Variants in FLOT1 observed in about 807,000 individuals in gnomAD.
FLOT1 encodes the protein flotillin-1.
A neutral mutation model predicts 58.4 loss-of-function variants in FLOT1; 40 were observed. That is an observed-to-expected ratio of 0.69 (90% CI 0.53 to 0.89). The LOEUF (loss-of-function observed/expected upper bound fraction) is 0.89, where lower values mean the gene tolerates loss of function less well. FLOT1 is among the 40% of genes least tolerant of loss of function. The pLI is 0.00. For missense variants in FLOT1, 423 were observed against 540.8 expected (o/e 0.78, Z 2.16); for synonymous variants, 178 against 204.2 (o/e 0.87, Z 1.09).
At position 30,741,742 on chromosome 6, in the gene FLOT1, G is replaced by T; in HGVS notation, c.120-38C>A. On this transcript the variant is annotated intron_variant, in intron 3 of 12. Transcript: ENST00000376389. The surrounding 1 kb of genome is among the most constrained non-coding windows in gnomAD (Gnocchi z 5.9). ...GAAGGGACAGACAGTAAGAAGAGGA[G>T]GAAAAAGAGAAAACGGAGGTCCCCC... The T allele has an allele frequency of 6.2e-7, 1 of 1,609,992 alleles. No individual in the cohort carries two copies. Among genetic ancestry groups the T allele is most frequent in the South Asian group, 1.1e-5 (1 of 91,022 alleles).
At position 30,737,971 on chromosome 6, in the gene FLOT1, A is replaced by G. The variant is rs565595659; in HGVS notation, c.723+2187T>C. Among the ~76,000 whole-genome samples, 33 of 152,344 alleles carry G rather than the reference A, an allele frequency of 2.2e-4. 1 individual carries two copies. The South Asian group carries it at 6.0e-3, about 28-fold the overall frequency. On this transcript the variant is annotated intron_variant, in intron 8 of 12. Transcript: ENST00000376389. This position sits in a 1 kb window ranked among gnomAD's most constrained non-coding sequence, Gnocchi z 4.4. ...ACACCTAGCACACTGCCTGGTGCAT[A>G]ACGAGAAACTGATAAAAGTTGAAAA... is the stretch of plus-strand genomic sequence containing the variant.
At position 30,742,282 on chromosome 6, in the gene FLOT1, C is replaced by G. The variant is rs373397158; in HGVS notation, c.-14-79G>C. On this transcript the variant is annotated intron_variant, in intron 1 of 12. Transcript: ENST00000376389. The surrounding 1 kb of genome is among the most constrained non-coding windows in gnomAD (Gnocchi z 5.2). The stretch of plus-strand genomic sequence containing the variant: ...CCACAGGGGCCCATCCTTTCCCTTT[C>G]CCGTCAGGCCCTCCCAGTCTGCATC... 199 of 1,223,858 alleles carry G rather than the reference C, an allele frequency of 1.6e-4. 5 individuals carry two copies. The highest frequency in any genetic ancestry group is 7.9e-4 in the East Asian group (34 of 43,066). The allele number at this position is 1,223,858 out of a possible 1,614,324, so 75.8% of individuals were successfully genotyped here.
At position 30,742,393 on chromosome 6, in the gene FLOT1, G is replaced by T. The variant is rs1778071302; in HGVS notation, c.-15+134C>A. On this transcript the variant is annotated intron_variant, in intron 1 of 12. Coordinates refer to ENST00000376389, the MANE Select transcript of FLOT1 (RefSeq NM_005803.4). The surrounding 1 kb of genome is among the most constrained non-coding windows in gnomAD (Gnocchi z 5.2). The stretch of plus-strand genomic sequence containing the variant: ...TAAGATCCCCAGCTACCTCTTCTCC[G>T]CCTGCGTATGGTCCCTCCCTTCCCC... 1 of 615,636 alleles carries T rather than the reference G, an allele frequency of 1.6e-6. No homozygotes were observed. The highest frequency in any genetic ancestry group is 2.8e-5 in the East Asian group (1 of 35,670). The allele number at this position is 615,636 out of a possible 1,614,324, so 38.1% of individuals were successfully genotyped here.
chr6:30,728,809 T>C (rs1216575809), intron 12 of FLOT1, among the ~76,000 whole-genome samples: 1 of 149,836 alleles, frequency 6.7e-6, no homozygotes, highest in East Asian at 2.0e-4. Flanking sequence ...TGAGACAGAG[T>C]CTTGCTCTGT....
chr6:30,740,275 CTGAGCAGACACCTTTTCCTGCT>C lies in FLOT1; in HGVS notation c.584_605del (p.Lys195SerfsTer3). Reference sequence around the variant, plus strand: ...TGGCCATCTCGATCTCACTCAGGTACTGAGCAGACACCTTTTCCTGCTTGGCTTTAGCTTCCTGTCCAAGCAG... The same window carrying C: ...TGGCCATCTCGATCTCACTCAGGTACTGGCTTTAGCTTCCTGTCCAAGCAG... On this transcript the variant is annotated frameshift_variant, in exon 8 of 13. Coordinates refer to ENST00000376389, the MANE Select transcript of FLOT1 (RefSeq NM_005803.4). LOFTEE classifies it high-confidence loss of function. 6.2e-7 allele frequency: 1 copy of C among 1,613,054 alleles called. No homozygotes were observed.
chr6:30,733,850 A>G (rs962429336), intron 8 of FLOT1, among the ~76,000 whole-genome samples: 1 of 151,844 alleles, frequency 6.6e-6, no homozygotes, highest in African/African-American at 2.4e-5. Context: ...CAGGAGTTCA[A>G]GACCAGCCTG....
rs1240772682 is a variant in FLOT1, at chr6:30,737,294, C to T, written c.723+2864G>A. ...CATATATCTATCTTAGAAGGAGTCTCGCTCTGTCGCCCAGGCTGGAGTGCG... is the reference window on the plus strand; with the variant it reads ...CATATATCTATCTTAGAAGGAGTCTTGCTCTGTCGCCCAGGCTGGAGTGCG... On this transcript the variant is annotated intron_variant, in intron 8 of 12. Coordinates refer to ENST00000376389, the MANE Select transcript of FLOT1 (RefSeq NM_005803.4). The surrounding 1 kb of genome is among the most constrained non-coding windows in gnomAD (Gnocchi z 4.4). Among the ~76,000 whole-genome samples the T allele has an allele frequency of 4.7e-5, 7 of 149,240 alleles. No individual in the cohort carries two copies. In the East Asian group the frequency reaches 7.8e-4, roughly 17 times the overall value.
Position 30,741,668 on chromosome 6 carries a change from A to C in FLOT1, c.156T>G (p.Ser52Arg). 1.2e-6 allele frequency: 2 copies of C among 1,612,844 alleles called. No individual in the cohort carries two copies. Among genetic ancestry groups the C allele is most frequent in the Non-Finnish European group, 1.7e-6 (2 of 1,179,962 alleles). The change falls in exon 4 of 13, where the codon AGT becomes AGG. Residue 52 changes from serine to arginine, a missense_variant. Coordinates refer to ENST00000376389, the MANE Select transcript of FLOT1 (RefSeq NM_005803.4). This position sits in a 1 kb window ranked among gnomAD's most constrained non-coding sequence, Gnocchi z 5.9. Reference protein sequence around the residue: ...SLNTLTLNVKSEKVYTRHGVP... With the variant: ...SLNTLTLNVKREKVYTRHGVP... ...CCCCATGGCGAGTGTAAACCTTTTC[A>C]CTCTTGACATTGAGGGTCAGTGTGT...
intron 8 of FLOT1, among the ~76,000 whole-genome samples, chr6:30,738,659 C>T (rs1372435091): frequency 6.6e-6 from 1 of 152,174 alleles, no homozygotes; most frequent in African/African-American, 2.4e-5. Context: ...TAACACTGAA[C>T]TCACAGCTAA....
intron 8 of FLOT1, among the ~76,000 whole-genome samples, chr6:30,732,705 A>G (rs543720548): frequency 1.2e-4 from 18 of 152,170 alleles, no homozygotes; most frequent in Middle Eastern, 3.4e-3. Flanking sequence ...CACCATCATC[A>G]TTGTAGGTCT....
At chr6:30,732,645 C>T (rs1371884974) in intron 8 of FLOT1, among the ~76,000 whole-genome samples, 1 of 152,162 alleles carries the variant, frequency 6.6e-6, no homozygotes, top group Non-Finnish European at 1.5e-5. Flanking sequence ...TGCCATCACA[C>T]CCAGCCAGAA....
chr6:30,731,390 CAGG>C (rs1443009056), intron 8 of FLOT1, among the ~76,000 whole-genome samples: 1 of 148,332 alleles, frequency 6.7e-6, no homozygotes, highest in African/African-American at 2.5e-5. Context: ...GAGGCTGAGG[CAGG>C]AGAATTGCTT....
intron 5 of FLOT1, 179 bp from the exon 6 acceptor site, chr6:30,740,977 G>A (rs1581720518): frequency 9.0e-7 from 1 of 1,114,462 alleles, no homozygotes; most frequent in Non-Finnish European, 1.2e-6. Flanking sequence ...AGTAGAGAAG[G>A]GGTTTCACCA....
intron 8 of FLOT1, among the ~76,000 whole-genome samples, chr6:30,739,626 C>T (rs1329918272): frequency 6.6e-6 from 1 of 151,926 alleles, no homozygotes; most frequent in Non-Finnish European, 1.5e-5. Context: ...CCTTGGCCTA[C>T]CAAAGTGCTG....
At position 30,740,194 on chromosome 6, in the gene FLOT1, G is replaced by C. The variant is rs377655195; in HGVS notation, c.687C>G (p.Thr229=). ...KKAAYDIEVN[T]RRAQADLAYQ... is the part of the protein sequence containing the mutation. Reference sequence around the variant, plus strand: ...AGGCCAGGTCAGCCTGTGCTCGGCGGGTGTTGACCTCGATGTCATAGGCGG... The same window carrying C: ...AGGCCAGGTCAGCCTGTGCTCGGCGCGTGTTGACCTCGATGTCATAGGCGG... Residue 229 remains threonine, a synonymous_variant, in exon 8 of 13, where the codon ACC becomes ACG. Coordinates refer to ENST00000376389, the MANE Select transcript of FLOT1 (RefSeq NM_005803.4). 6 of 1,612,892 alleles carry C rather than the reference G, an allele frequency of 3.7e-6. No individual in the cohort carries two copies. The highest frequency in any genetic ancestry group is 5.1e-6 in the Non-Finnish European group (6 of 1,180,034).
At chr6:30,734,109 A>ATC (rs369203367) in intron 8 of FLOT1, among the ~76,000 whole-genome samples, 84 of 144,070 alleles carry the variant, frequency 5.8e-4, no homozygotes, top group African/African-American at 1.9e-3. Flanking sequence ...CCTCTTTGAG[A>ATC]TCTCTCTCTC....
Position 30,730,627 on chromosome 6 carries a change from A to C in FLOT1, c.951+55T>G. 3.1e-6 allele frequency: 5 copies of C among 1,613,884 alleles called. 1 individual carries two copies. Among genetic ancestry groups the C allele is most frequent in the South Asian group, 2.2e-5 (2 of 91,080 alleles). On this transcript the variant is annotated intron_variant, in intron 10 of 12. Transcript: ENST00000376389. ...CATTAAGAACAAGAAATCCCCGATC[A>C]AGCAGCAACCCCCACCCTCTCCACA...
chr6:30,730,609 A>C lies in FLOT1; in HGVS notation c.952-44T>G, dbSNP rs759011444. Reference sequence around the variant, plus strand: ...TGTGAGATTGACGGAAATCATTAAGAACAAGAAATCCCCGATCAAGCAGCA... The same window carrying C: ...TGTGAGATTGACGGAAATCATTAAGCACAAGAAATCCCCGATCAAGCAGCA... On this transcript the variant is annotated intron_variant, in intron 10 of 12. Transcript: ENST00000376389. 6.2e-6 allele frequency: 10 copies of C among 1,613,946 alleles called. No homozygotes were observed. The Middle Eastern group carries it at 6.6e-4, about 106-fold the overall frequency.
chr6:30,740,525 C>T lies in FLOT1; in HGVS notation c.541G>A (p.Ala181Thr). 6.2e-7 allele frequency: 1 copy of T among 1,612,966 alleles called. No individual in the cohort carries two copies. Among genetic ancestry groups the T allele is most frequent in the Non-Finnish European group, 8.5e-7 (1 of 1,180,024 alleles). ...ATCCCAGCATCTCTCTTGGCCTCTG[C>T]TTCTCCAATCCGTGCATCTTTTTGG... Reference protein sequence around the residue: ...QVQKDARIGEAEAKRDAGIRE... With the variant: ...QVQKDARIGETEAKRDAGIRE... The change falls in exon 7 of 13, where the codon GCA becomes ACA. Residue 181 changes from alanine (A) to threonine (T), a missense_variant. By Grantham distance (58) the Ala-to-Thr change is moderately conservative (BLOSUM62 0). This residue lies in a region of FLOT1 where 137 missense variants were observed against 194.6 expected (regional missense o/e 0.70). Coordinates refer to ENST00000376389, the MANE Select transcript of FLOT1 (RefSeq NM_005803.4).
Sources: allele counts gnomAD v4.1 joint callset (sites outside exome capture counted in the v4.1 genomes callset), GRCh38; gene constraint gnomAD v4.1.1; regional missense constraint gnomAD v4.1.1; non-coding constraint Gnocchi (gnomAD v3.1); transcripts MANE v1.5; gene names NCBI Gene and HGNC (gene_info 2026-07-23, HGNC 2026-07-21).